The following SOX6 variants were observed in gnomAD, a reference collection of about 807,000 sequenced individuals.
The protein encoded by SOX6 is transcription factor SOX-6.
In SOX6, 11 loss-of-function variants were observed where a neutral mutation model predicts 97.8. The observed-to-expected ratio is 0.11, with a 90% confidence interval of 0.07 to 0.19. The LOEUF is 0.19. SOX6 is among the 10% of genes least tolerant of loss of function. The pLI is 1.00. For synonymous variants in SOX6, 360 were observed against 371.4 expected (o/e 0.97, Z 0.35); for missense variants, 810 against 1,039.5 (o/e 0.78, Z 3.04).
intron 4 of SOX6, among the ~76,000 whole-genome samples, chr11:16,608,753 C>T (rs925068769): frequency 1.3e-5 from 2 of 152,082 alleles, no homozygotes; most frequent in Non-Finnish European, 2.9e-5. Context: ...TACACTTTCA[C>T]GGCAATAAAT....
intron 3 of SOX6, among the ~76,000 whole-genome samples, chr11:16,625,210 G>C (rs1346663586): frequency 6.6e-6 from 1 of 151,976 alleles, no homozygotes; most frequent in Non-Finnish European, 1.5e-5. Context: ...ATCTTGTATT[G>C]ATGTTGCAAG....
chr11:16,222,035 C>T (rs1852552997), intron 4 of SOX6, among the ~76,000 whole-genome samples: 1 of 152,112 alleles, frequency 6.6e-6, no homozygotes, highest in African/African-American at 2.4e-5. Context: ...TTGTAAAATA[C>T]TCCTCTCTTT....
At chr11:16,503,368 GA>G (rs369904767) in intron 4 of SOX6, among the ~76,000 whole-genome samples, 1 of 151,612 alleles carries the variant, frequency 6.6e-6, no homozygotes, top group African/African-American at 2.4e-5. Context: ...AAATAAGAGA[GA>G]AAGAAAGGAA....
At chr11:16,687,790 C>T (rs189995787) in intron 3 of SOX6, among the ~76,000 whole-genome samples, 4 of 152,270 alleles carry the variant, frequency 2.6e-5, no homozygotes, top group Non-Finnish European at 5.9e-5. Context: ...CCTCAGCCTC[C>T]TAAAGTGCTA....
intron 1 of SOX6, among the ~76,000 whole-genome samples, chr11:16,455,679 G>T (rs1049357944): frequency 6.6e-6 from 1 of 152,032 alleles, no homozygotes; most frequent in African/African-American, 2.4e-5. Context: ...AAATTATGAG[G>T]TGTGTCCTGG....
At chr11:16,012,060 A>C (rs1854748232) in intron 13 of SOX6, among the ~76,000 whole-genome samples, 1 of 151,990 alleles carries the variant, frequency 6.6e-6, no homozygotes, top group Admixed American at 6.6e-5. Context: ...AGTCTAGTTT[A>C]GGGGCTGGCA....
At chr11:16,164,123 T>C (rs1019742758) in intron 6 of SOX6, among the ~76,000 whole-genome samples, 3 of 152,022 alleles carry the variant, frequency 2.0e-5, no homozygotes, top group African/African-American at 7.2e-5. Context: ...AGCACCACCA[T>C]GCTTGGGTAA....
At chr11:16,070,087 G>A (rs184086902) in intron 9 of SOX6, among the ~76,000 whole-genome samples, 298 of 152,234 alleles carry the variant, frequency 2.0e-3, no homozygotes, top group African/African-American at 6.8e-3. Flanking sequence ...CCTGGGAGGC[G>A]GAGCTTGCAG....
intron 9 of SOX6, among the ~76,000 whole-genome samples, chr11:16,084,196 T>C (rs1283759420): frequency 6.6e-6 from 1 of 152,004 alleles, no homozygotes; most frequent in Non-Finnish European, 1.5e-5. Context: ...AATCAATAAA[T>C]CAGTATATAT....
intron 4 of SOX6, among the ~76,000 whole-genome samples, chr11:16,225,460 T>C (rs1451855777): frequency 9.4e-6 from 1 of 106,750 alleles, no homozygotes; most frequent in Admixed American, 1.1e-4. Context: ...AAAAAAGTAG[T>C]AACTATGAAT....
intron 3 of SOX6, among the ~76,000 whole-genome samples, chr11:16,695,876 G>T (rs1848049773): frequency 1.3e-5 from 2 of 151,972 alleles, no homozygotes; most frequent in African/African-American, 4.8e-5. Context: ...GCCTGATGTT[G>T]CATGCCTATA....
chr11:16,483,608 C>T (rs1281160030), intron 4 of SOX6, among the ~76,000 whole-genome samples: 1 of 152,140 alleles, frequency 6.6e-6, no homozygotes, highest in Non-Finnish European at 1.5e-5. Context: ...GACACACCCT[C>T]GCTGGCCACT....
intron 3 of SOX6, among the ~76,000 whole-genome samples, chr11:16,627,010 T>C (rs1230299411): frequency 2.6e-5 from 4 of 152,210 alleles, no homozygotes; most frequent in Non-Finnish European, 4.4e-5. Flanking sequence ...TTTCTATTAC[T>C]GGAATCTTTA....
rs1454281630 is a variant in SOX6, at chr11:16,437,282, T to TTA, written c.-5+39032_-5+39033insTA. On this transcript the variant is annotated intron_variant, in intron 1 of 15. Coordinates refer to the SOX6 transcript ENST00000396356. Reference sequence around the variant, plus strand: ...AAACCCTGTCTCTATTTTTTTTTTTTAAAAAAAAGGTAAGGGCCTTAGAAA... The same window carrying TTA: ...AAACCCTGTCTCTATTTTTTTTTTTTTAAAAAAAAAGGTAAGGGCCTTAGAAA... Among the ~76,000 whole-genome samples, 1,074 of 136,686 alleles carry TTA rather than the reference T, an allele frequency of 7.9e-3. 16 individuals carry two copies. Among genetic ancestry groups the TTA allele is most frequent in the African/African-American group, 0.026 (960 of 36,248 alleles). The allele number at this position is 136,686 out of a possible 152,430, so 89.7% of individuals were successfully genotyped here. A position where few individuals can be genotyped will look rare whatever the true frequency, so the allele number is the denominator to read the frequency against.
chr11:16,135,501 A>C (rs1168662760), intron 6 of SOX6, among the ~76,000 whole-genome samples: 2 of 152,218 alleles, frequency 1.3e-5, no homozygotes, highest in African/African-American at 4.8e-5. Flanking sequence ...AGTTGATTCC[A>C]ACCCTCATGG....
intron 12 of SOX6, among the ~76,000 whole-genome samples, chr11:16,028,476 C>T (rs542401756): frequency 2.0e-4 from 31 of 152,116 alleles, no homozygotes; most frequent in Non-Finnish European, 3.7e-4. Flanking sequence ...CCATTGAATT[C>T]GTGAAGCTTT....
upstream of SOX6, among the ~76,000 whole-genome samples, chr11:16,356,979 C>A (rs911087035): frequency 6.6e-6 from 1 of 151,878 alleles, no homozygotes; most frequent in African/African-American, 2.4e-5. Flanking sequence ...GAAAGACAAG[C>A]CAAAAAACTA....
intron 6 of SOX6, 85 bp from the exon 7 acceptor site, chr11:16,112,008 G>T (rs1849243119): frequency 1.3e-6 from 2 of 1,563,228 alleles, no homozygotes; most frequent in African/African-American, 2.7e-5. Flanking sequence ...GTGGTGTGCT[G>T]GTACCCACAC....
At chr11:16,278,227 CA>C (rs565914138) in intron 3 of SOX6, among the ~76,000 whole-genome samples, 15 of 151,064 alleles carry the variant, frequency 9.9e-5, no homozygotes, top group Admixed American at 2.6e-4. Flanking sequence ...ATTTTTAAAC[CA>C]AAAAAAATGC....
Sources: gnomAD v4.1 joint callset for allele counts (sites outside exome capture counted in the v4.1 genomes callset) on GRCh38, gnomAD v4.1.1 for gene constraint, MANE v1.5 for transcripts, NCBI Gene and HGNC (gene_info 2026-07-23, HGNC 2026-07-21) for gene names.